The following SP4 variants were observed in gnomAD, a reference collection of about 807,000 sequenced individuals.
SP4 encodes transcription factor Sp4.
SP4 carries 19 observed loss-of-function variants against 72.8 expected under a neutral mutation model. The ratio of observed to expected loss-of-function variants is 0.26; its 90% CI spans 0.18 to 0.38. The LOEUF is 0.38. Among genes scored for constraint, SP4 ranks in the 10% least tolerant of loss-of-function variants. The pLI is 1.00. For synonymous variants in SP4, 395 were observed against 333.1 expected, an observed-to-expected ratio of 1.19 and a Z score of -2.02; for missense variants, 1,008 against 926.3, an observed-to-expected ratio of 1.09 and a Z score of -1.14.
Position 21,461,004 on chromosome 7 carries a change from C to CA in SP4, c.1679-16074dup, listed in dbSNP as rs547793194. On this transcript the variant is annotated intron_variant, in intron 3 of 5. Coordinates refer to ENST00000222584, the MANE Select transcript of SP4 (RefSeq NM_003112.5). ...GCATTTCCAAACCTTGAGCTAGACA[C>CA]AGAGTGCTGATTGGTGTGTTTACAA... Among the ~76,000 whole-genome samples, 17 of 152,294 alleles carry CA rather than the reference C, an allele frequency of 1.1e-4. No homozygotes were observed. The East Asian group carries it at 3.3e-3, about 29-fold the overall frequency.
intron 3 of SP4, among the ~76,000 whole-genome samples, chr7:21,473,000 G>T (rs999702858): frequency 6.6e-6 from 1 of 152,168 alleles, no homozygotes; most frequent in African/African-American, 2.4e-5. Flanking sequence ...AGTCCTTGTG[G>T]TAGAGTGCTT....
intron 3 of SP4, among the ~76,000 whole-genome samples, chr7:21,431,366 G>A (rs1288627230): frequency 6.6e-6 from 1 of 152,124 alleles, no homozygotes; most frequent in Non-Finnish European, 1.5e-5. Context: ...TTTTAAACTA[G>A]ATACTGATGC....
intron 5 of SP4, among the ~76,000 whole-genome samples, chr7:21,483,031 A>G (rs1784728016): frequency 6.6e-6 from 1 of 152,118 alleles, no homozygotes; most frequent in Non-Finnish European, 1.5e-5. Context: ...TTTGCTAGGT[A>G]ATGGCTAAAG....
intron 5 of SP4, among the ~76,000 whole-genome samples, chr7:21,487,845 T>C (rs550815303): frequency 6.6e-6 from 1 of 151,908 alleles, no homozygotes; most frequent in South Asian, 2.1e-4. Flanking sequence ...TTTTGAAAAC[T>C]TTATGAGCTA....
At chr7:21,443,301 T>A (rs1157844125) in intron 3 of SP4, among the ~76,000 whole-genome samples, 1 of 152,124 alleles carries the variant, frequency 6.6e-6, no homozygotes, top group East Asian at 1.9e-4. Context: ...AGACTCAAGA[T>A]ATATATTAAA....
chr7:21,475,549 C>G (rs1258816623), intron 3 of SP4, among the ~76,000 whole-genome samples: 1 of 152,052 alleles, frequency 6.6e-6, no homozygotes, highest in African/African-American at 2.4e-5. Context: ...CTCTGCCTCC[C>G]AGGTTCATGC....
At position 21,471,790 on chromosome 7, in the gene SP4, T is replaced by C. The variant is rs114811622; in HGVS notation, c.1679-5289T>C. ...TAGAGGCTACAGTAAGCCATGATTG[T>C]GCCGCTGTACTCTAGCCTGGGCAAG... On this transcript the variant is annotated intron_variant, in intron 3 of 5. Coordinates refer to ENST00000222584, the MANE Select transcript of SP4 (RefSeq NM_003112.5). Among the ~76,000 whole-genome samples the C allele has an allele frequency of 9.4e-3, 1,435 of 152,288 alleles. 25 individuals are homozygous for C. The highest frequency in any genetic ancestry group is 0.032 in the African/African-American group (1,339 of 41,566).
intron 5 of SP4, among the ~76,000 whole-genome samples, chr7:21,498,792 A>G (rs964250745): frequency 6.6e-6 from 1 of 152,180 alleles, no homozygotes. Context: ...AACTAGAGAA[A>G]AGAAATCGTT....
At chr7:21,486,054 C>T (rs887562128) in intron 5 of SP4, among the ~76,000 whole-genome samples, 1 of 151,888 alleles carries the variant, frequency 6.6e-6, no homozygotes, top group Non-Finnish European at 1.5e-5. Flanking sequence ...TTTTCTCTTT[C>T]TGCTTAATTT....
chr7:21,472,900 A>G (rs115769538), intron 3 of SP4, among the ~76,000 whole-genome samples: 66 of 152,322 alleles, frequency 4.3e-4, no homozygotes, highest in African/African-American at 1.5e-3. Flanking sequence ...AGTGGTGTCA[A>G]ATGCAGCAGA....
intron 3 of SP4, among the ~76,000 whole-genome samples, chr7:21,448,255 T>C (rs913482253): frequency 2.0e-5 from 3 of 149,430 alleles, no homozygotes; most frequent in Admixed American, 2.0e-4. Context: ...CTCACTACTA[T>C]TATACAGAAA....
intron 1 of SP4, among the ~76,000 whole-genome samples, 177 bp downstream of exon 1, chr7:21,428,435 G>C (rs1782699475): frequency 6.6e-6 from 1 of 152,154 alleles, no homozygotes; most frequent in Non-Finnish European, 1.5e-5. Context: ...TAATGTCTGA[G>C]AGAGAACAAC....
At chr7:21,507,543 C>G (rs1029213440) in intron 5 of SP4, among the ~76,000 whole-genome samples, 1 of 152,124 alleles carries the variant, frequency 6.6e-6, no homozygotes, top group Non-Finnish European at 1.5e-5. Flanking sequence ...TTTTCTTCTT[C>G]TTTAAGTGGG....
chr7:21,467,763 T>TAGGTAGGCTCAG (rs1562606431), intron 3 of SP4, among the ~76,000 whole-genome samples: 3 of 152,098 alleles, frequency 2.0e-5, no homozygotes, highest in African/African-American at 7.2e-5. Flanking sequence ...TAAGAATCAT[T>TAGGTAGGCTCAG]TTAGTATTAT....
intron 5 of SP4, among the ~76,000 whole-genome samples, chr7:21,491,818 C>T (rs1406357286): frequency 6.6e-6 from 1 of 152,150 alleles, no homozygotes; most frequent in Non-Finnish European, 1.5e-5. Context: ...AGTAAAGATA[C>T]TTCCAAAGGA....
chr7:21,430,407 A>C lies in SP4; in HGVS notation c.1242A>C (p.Gln414His), dbSNP rs757350763. The change falls in exon 3 of 6, where the codon CAA becomes CAC. Residue 414 changes from glutamine to histidine, a missense_variant. By Grantham distance (24) the Gln-to-His change is conservative. Transcript: ENST00000222584. Reference protein sequence around the residue: ...LQQIQIQQPQQQIIQAIPPQS... With the variant: ...LQQIQIQQPQHQIIQAIPPQS... ...AGATCCAGATCCAACAGCCTCAGCA[A>C]CAGATCATTCAGGCTATTCCACCAC... 6.2e-7 allele frequency: 1 copy of C among 1,614,224 alleles called. No individual in the cohort carries two copies. Among genetic ancestry groups the C allele is most frequent in the Non-Finnish European group, 8.5e-7 (1 of 1,180,038 alleles).
At chr7:21,440,472 A>G (rs1024246550) in intron 3 of SP4, among the ~76,000 whole-genome samples, 1 of 152,164 alleles carries the variant, frequency 6.6e-6, no homozygotes, top group African/African-American at 2.4e-5. Context: ...AGAAATTTGT[A>G]TAAGAGGAAT....
intron 3 of SP4, among the ~76,000 whole-genome samples, chr7:21,441,992 A>ATGTGTG (rs1223877821): frequency 9.3e-6 from 1 of 107,736 alleles, no homozygotes; most frequent in Non-Finnish European, 1.9e-5. Context: ...ATTTCATTTT[A>ATGTGTG]TGTGTGTGTG....
intron 2 of SP4, 79 bp from the exon 3 acceptor site, chr7:21,429,210 C>A: frequency 1.4e-6 from 1 of 727,358 alleles, no homozygotes; most frequent in South Asian, 1.8e-5. Flanking sequence ...TAAGTAACCC[C>A]CTGGCAACTA....
Sources: allele counts gnomAD v4.1 joint callset (sites outside exome capture counted in the v4.1 genomes callset), GRCh38; gene constraint gnomAD v4.1.1; transcripts MANE v1.5; gene names NCBI Gene and HGNC (gene_info 2026-07-23, HGNC 2026-07-21).